GATAD2A: variants seen among roughly 807,000 people sequenced by gnomAD.
The protein encoded by GATAD2A is transcriptional repressor p66-alpha.
A neutral mutation model predicts 68.5 loss-of-function variants in GATAD2A; 12 were observed. The observed-to-expected ratio is 0.18, with a 90% confidence interval of 0.11 to 0.28. The LOEUF is 0.28. Ranked by LOEUF, GATAD2A falls within the 10% of genes least tolerant of loss-of-function variation. The pLI, the probability that GATAD2A is intolerant of heterozygous loss-of-function variation, is 1.00. For synonymous variants in GATAD2A, 410 were observed against 375.3 expected, an observed-to-expected ratio of 1.09 and a Z score of -1.07; for missense variants, 755 against 868.5, an observed-to-expected ratio of 0.87 and a Z score of 1.64.
chr19:19,508,349 C>G lies in GATAD2A; in HGVS notation c.*2875C>G, dbSNP rs1055442376. 2 of 152,372 alleles carry G rather than the reference C, an allele frequency of 1.3e-5. No individual in the cohort carries two copies. The highest frequency in any genetic ancestry group is 4.8e-5 in the African/African-American group (2 of 41,458). The allele number at this position is 152,372 out of a possible 1,614,324, so 9.4% of individuals were successfully genotyped here. On this transcript the variant is annotated 3_prime_UTR_variant, in exon 12 of 12. Coordinates refer to ENST00000683918, the MANE Select transcript of GATAD2A (RefSeq NM_001384528.1). ...ACTCTACGGTGACCAGGAACCACCC[C>G]TCTGACGAGGTCTGTAGCGGCCCTT...
chr19:19,416,902 C>T (rs914303735), intron 1 of GATAD2A, among the ~76,000 whole-genome samples: 1 of 152,040 alleles, frequency 6.6e-6, no homozygotes, highest in African/African-American at 2.4e-5. Context: ...GCTGGGATTA[C>T]AGGCATGCAC....
chr19:19,406,451 CGCG>C (rs535696257), intron 1 of GATAD2A, among the ~76,000 whole-genome samples: 62 of 147,160 alleles, frequency 4.2e-4, no homozygotes, highest in East Asian at 3.1e-3. Flanking sequence ...CGCTGAACCC[CGCG>C]GCGGCGGCGG....
Position 19,492,573 on chromosome 19 carries a change from C to T in GATAD2A, c.403-8C>T. 6.2e-7 allele frequency: 1 copy of T among 1,614,174 alleles called. No individual in the cohort carries two copies. ...TCCCTCTCAACCCTGTTCCTCTCGC[C>T]CCTGCAGAAAAGCAGTCCTGAAGAA... On this transcript the variant is annotated splice_region_variant and splice_polypyrimidine_tract_variant and intron_variant, in intron 3 of 11. Coordinates refer to ENST00000683918, the MANE Select transcript of GATAD2A (RefSeq NM_001384528.1).
chr19:19,423,755 G>A (rs2147302372), intron 1 of GATAD2A, among the ~76,000 whole-genome samples: 1 of 152,326 alleles, frequency 6.6e-6, no homozygotes, highest in Non-Finnish European at 1.5e-5. Flanking sequence ...TGAATGCGAA[G>A]TGTGGGGGCT....
chr19:19,488,550 G>A (rs2059588736), intron 2 of GATAD2A, among the ~76,000 whole-genome samples: 1 of 152,222 alleles, frequency 6.6e-6, no homozygotes, highest in South Asian at 2.1e-4. Context: ...GCAGCTGAAA[G>A]CCATAACCTT....
intron 1 of GATAD2A, among the ~76,000 whole-genome samples, chr19:19,452,397 G>A (rs1426796836): frequency 1.3e-5 from 2 of 152,192 alleles, no homozygotes; most frequent in South Asian, 4.1e-4. Context: ...CTTTGTAACA[G>A]TGACTTGGCA....
chr19:19,445,881 A>T, intron 1 of GATAD2A, among the ~76,000 whole-genome samples: 1 of 151,918 alleles, frequency 6.6e-6, no homozygotes, highest in African/African-American at 2.4e-5. Context: ...TTTAACATTC[A>T]CCTGCACATT....
chr19:19,502,015 G>A lies in GATAD2A; in HGVS notation c.1550G>A (p.Arg517His), dbSNP rs767625639. ...RKLAFRSGEA[R>H]DWSNGAVLQA... ...TTGGCGTTCCGCTCAGGAGAGGCCC[G>A]CGACTGGAGTAACGGGGCTGTGCTA... The change falls in exon 10 of 12, where the codon CGC (arginine) becomes CAC (histidine). Residue 517 changes from arginine to histidine, a missense_variant. Coordinates refer to ENST00000683918, the MANE Select transcript of GATAD2A (RefSeq NM_001384528.1). The A allele has an allele frequency of 2.4e-5, 39 of 1,613,752 alleles. No individual in the cohort carries two copies. Among genetic ancestry groups the A allele is most frequent in the South Asian group, 1.3e-4 (12 of 91,086 alleles).
intron 1 of GATAD2A, among the ~76,000 whole-genome samples, chr19:19,461,396 T>G (rs1395649128): frequency 6.6e-6 from 1 of 152,210 alleles, no homozygotes; most frequent in Non-Finnish European, 1.5e-5. Context: ...GCCAGAAGTG[T>G]GCTGGGTGCC....
intron 1 of GATAD2A, among the ~76,000 whole-genome samples, chr19:19,414,837 CTTTTTTTTTTT>C (rs56353005): frequency 3.2e-4 from 24 of 74,772 alleles, no homozygotes; most frequent in Admixed American, 3.1e-3. Context: ...ACCCTGCCCC[CTTTTTTTTTTT>C]TTTTTTTTTT....
At chr19:19,477,664 G>T (rs1281663728) in intron 2 of GATAD2A, among the ~76,000 whole-genome samples, 2 of 152,218 alleles carry the variant, frequency 1.3e-5, no homozygotes, top group African/African-American at 4.8e-5. Context: ...ATAGAGTTGG[G>T]ACTGGGCCTT....
intron 11 of GATAD2A, among the ~76,000 whole-genome samples, chr19:19,502,906 A>G (rs1220241253): frequency 1.3e-5 from 2 of 152,162 alleles, no homozygotes; most frequent in Admixed American, 6.5e-5. Context: ...TTTTTCTGTC[A>G]TTGTGCCATC....
intron 1 of GATAD2A, among the ~76,000 whole-genome samples, chr19:19,436,395 C>T (rs1283816857): frequency 6.6e-6 from 1 of 152,210 alleles, no homozygotes; most frequent in Non-Finnish European, 1.5e-5. Flanking sequence ...CTGCCTGGCC[C>T]GTCCCTTCAG....
chr19:19,451,056 C>T (rs2056331589), intron 1 of GATAD2A, among the ~76,000 whole-genome samples: 1 of 151,896 alleles, frequency 6.6e-6, no homozygotes, highest in South Asian at 2.1e-4. Context: ...AGGCGTGAGC[C>T]ACCGCACCCG....
chr19:19,453,338 G>T (rs2056583055), intron 1 of GATAD2A, among the ~76,000 whole-genome samples: 1 of 152,186 alleles, frequency 6.6e-6, no homozygotes, highest in Non-Finnish European at 1.5e-5. Flanking sequence ...TATTTATCTT[G>T]AGTGTTCTAA....
At chr19:19,478,530 G>A (rs1332303841) in intron 2 of GATAD2A, among the ~76,000 whole-genome samples, 2 of 151,802 alleles carry the variant, frequency 1.3e-5, no homozygotes, top group Admixed American at 6.6e-5. Flanking sequence ...GGAGACAGAG[G>A]TTGCAGTGAG....
intron 1 of GATAD2A, among the ~76,000 whole-genome samples, chr19:19,408,124 C>T (rs1220981824): frequency 1.3e-5 from 2 of 152,156 alleles, no homozygotes; most frequent in African/African-American, 4.8e-5. Context: ...CTCAGCCTCC[C>T]GAGTAGTTGG....
intron 1 of GATAD2A, among the ~76,000 whole-genome samples, chr19:19,455,670 G>A (rs1271583937): frequency 1.3e-5 from 2 of 152,144 alleles, no homozygotes; most frequent in Non-Finnish European, 2.9e-5. Context: ...TAGGTTGTAT[G>A]CTAATACTAC....
Position 19,498,535 on chromosome 19 carries a change from G to T in GATAD2A, c.1017G>T (p.Glu339Asp), listed in dbSNP as rs1270224056. ...TSVASVVTSA[E>D]SPASRQAAAK... is the part of the protein sequence containing the mutation. The stretch of plus-strand genomic sequence containing the variant: ...TGGCCTCTGTGGTCACCTCTGCCGA[G>T]TCTCCAGCAAGCCGACAGGCGGCCG... Residue 339 changes from glutamate (E) to aspartate (D), a missense_variant, in exon 8 of 12, where the codon GAG becomes GAT. Physicochemically the swap from Glu to Asp is conservative, Grantham distance 45. Transcript: ENST00000683918. 1.9e-6 allele frequency: 3 copies of T among 1,613,796 alleles called. No individual in the cohort carries two copies. The African/African-American group carries it at 4.0e-5, about 22-fold the overall frequency.
Sources: gnomAD v4.1 joint callset for allele counts (sites outside exome capture counted in the v4.1 genomes callset) on GRCh38, gnomAD v4.1.1 for gene constraint, MANE v1.5 for transcripts, NCBI Gene and HGNC (gene_info 2026-07-23, HGNC 2026-07-21) for gene names.